The following TAS2R16 variants were observed in gnomAD, a reference collection of about 807,000 sequenced individuals.
The protein encoded by TAS2R16 is taste 2 receptor member 16.
A neutral mutation model predicts 5.0 loss-of-function variants in TAS2R16; 5 were observed. The ratio of observed to expected loss-of-function variants is 1.00; its 90% CI spans 0.52 to 2.11. TAS2R16 has a LOEUF of 2.11. Ranked by LOEUF, TAS2R16 falls within the 30% of genes most tolerant of loss-of-function variation. The pLI, the probability that TAS2R16 is intolerant of heterozygous loss-of-function variation, is 0.01. For synonymous variants in TAS2R16, 142 were observed against 123.3 expected (o/e 1.15, Z -1.00); for missense variants, 363 against 341.3 (o/e 1.06, Z -0.50).
rs923404410 is a variant in TAS2R16, at chr7:122,995,056, C to A, written c.579G>T (p.Leu193=). 6.2e-7 allele frequency: 1 copy of A among 1,613,784 alleles called. No individual in the cohort carries two copies. The highest frequency in any genetic ancestry group is 1.7e-5 in the Admixed American group (1 of 59,970). The part of the protein sequence containing the change: ...VALVIPFILF[L]ASTIFLMASL... ...ATGCCATGAGAAAGATGGTGGAGGC[C>A]AGGAACAGGATGAAAGGAATAACCA... is the stretch of plus-strand genomic sequence containing the variant. Residue 193 remains leucine, a synonymous_variant, in exon 1 of 1, where the codon CTG becomes CTT. Transcript: ENST00000249284.
rs778541886 is a variant in TAS2R16 at position 122,995,592 on chromosome 7, C to T, written c.43G>A (p.Val15Met). The change falls in exon 1 of 1, where the codon GTG becomes ATG. Residue 15 changes from valine to methionine, a missense_variant. Transcript: ENST00000249284. ...ACAATAATTGTCAAGGACTCAAGCA[C>T]ATAGATGATCATGAAGAAGACAGTG... ...QLTVFFMIIY[V>M]LESLTIIVQS... is the part of the protein sequence containing the mutation. 1 of 1,580,050 alleles carries T rather than the reference C, an allele frequency of 6.3e-7. No homozygotes were observed. Among genetic ancestry groups the T allele is most frequent in the Non-Finnish European group, 8.6e-7 (1 of 1,164,334 alleles).
rs879174727 is a variant in TAS2R16 at position 122,995,347 on chromosome 7, G to C, written c.288C>G (p.Asn96Lys). The change falls in exon 1 of 1, where the codon AAC becomes AAG. Residue 96 changes from asparagine to lysine, a missense_variant. Physicochemically the swap from Asn to Lys is moderately conservative, Grantham distance 94. Transcript: ENST00000249284. ...TGCAGTAGAACACGGTAAGCAAGCTGTTTAACCAGAATGTAAGGATATTAA... is the reference window on the plus strand; with the variant it reads ...TGCAGTAGAACACGGTAAGCAAGCTCTTTAACCAGAATGTAAGGATATTAA... ...EFFNILTFWL[N>K]SLLTVFYCIK... The C allele has an allele frequency of 6.2e-7, 1 of 1,613,700 alleles. No individual in the cohort carries two copies. The highest frequency in any genetic ancestry group is 1.1e-5 in the South Asian group (1 of 91,074).
chr7:122,995,591 A>G lies in TAS2R16; in HGVS notation c.44T>C (p.Val15Ala), dbSNP rs141452852. The change falls in exon 1 of 1, where the codon GTG becomes GCG. Residue 15 changes from valine (V) to alanine (A), a missense_variant. Transcript: ENST00000249284. ...QLTVFFMIIY[V>A]LESLTIIVQS... ...CACAATAATTGTCAAGGACTCAAGC[A>G]CATAGATGATCATGAAGAAGACAGT... 1,134 of 1,583,362 alleles carry G rather than the reference A, an allele frequency of 7.2e-4. No homozygotes were observed. Among genetic ancestry groups the G allele is most frequent in the Non-Finnish European group, 9.3e-4 (1,090 of 1,166,158 alleles).
In TAS2R16 at chr7:122,995,347, G is replaced by A. The variant is rs879174727; in HGVS notation, c.288C>T (p.Asn96=). ...EFFNILTFWL[N]SLLTVFYCIK... is the part of the protein sequence containing the mutation. The stretch of plus-strand genomic sequence containing the variant: ...TGCAGTAGAACACGGTAAGCAAGCT[G>A]TTTAACCAGAATGTAAGGATATTAA... The change falls in exon 1 of 1, where the codon AAC becomes AAT. Residue 96 remains asparagine (N), a synonymous_variant. Transcript: ENST00000249284. 6.2e-7 allele frequency: 1 copy of A among 1,613,700 alleles called. No homozygotes were observed. Among genetic ancestry groups the A allele is most frequent in the Non-Finnish European group, 8.5e-7 (1 of 1,179,868 alleles).
the TAS2R16 span, chr7:122,994,851 C>A: frequency 3.1e-6 from 5 of 1,613,392 alleles, no homozygotes; most frequent in Admixed American, 8.3e-5. Flanking sequence ...ACAAAAGCTT[C>A]CCAGACCCAT....
chr7:122,995,036 A>T lies in TAS2R16; in HGVS notation c.599T>A (p.Met200Lys). ...TTGTATCTGCTTGGTCAGTGATGCCATGAGAAAGATGGTGGAGGCCAGGAA... is the reference window on the plus strand; with the variant it reads ...TTGTATCTGCTTGGTCAGTGATGCCTTGAGAAAGATGGTGGAGGCCAGGAA... ...ILFLASTIFL[M>K]ASLTKQIQHH... The change falls in exon 1 of 1, where the codon ATG (methionine) becomes AAG (lysine). Residue 200 changes from methionine to lysine, a missense_variant. Transcript: ENST00000249284. The T allele has an allele frequency of 6.2e-7, 1 of 1,613,938 alleles. No homozygotes were observed. Among genetic ancestry groups the T allele is most frequent in the Non-Finnish European group, 8.5e-7 (1 of 1,179,906 alleles).
chr7:122,995,574 T>C lies in TAS2R16; in HGVS notation c.61A>G (p.Ile21Val). 1.2e-6 allele frequency: 2 copies of C among 1,602,474 alleles called. No homozygotes were observed. Among genetic ancestry groups the C allele is most frequent in the Admixed American group, 1.7e-5 (1 of 58,028 alleles). ...ACAATTAGGCTGCTCTGCACAATAA[T>C]TGTCAAGGACTCAAGCACATAGATG... Reference protein sequence around the residue: ...MIIYVLESLTIIVQSSLIVAV... With the variant: ...MIIYVLESLTVIVQSSLIVAV... The change falls in exon 1 of 1, where the codon ATT becomes GTT. Residue 21 changes from isoleucine to valine, a missense_variant. By Grantham distance (29) the Ile-to-Val change is conservative (BLOSUM62 3). Coordinates refer to ENST00000249284, the MANE Select transcript of TAS2R16 (RefSeq NM_016945.3).
rs1204816144 is a variant in TAS2R16 at position 122,995,142 on chromosome 7, T to G, written c.493A>C (p.Thr165Pro). ...AAATTTTCAAGTTTGTCAGTTACAG[T>G]GCTGTTTCTTGGTAGATGCTCCATG... ...LTMEHLPRNSTVTDKLENFHQ... is the reference protein window; with the variant it reads ...LTMEHLPRNSPVTDKLENFHQ... The change falls in exon 1 of 1, where the codon ACT becomes CCT. Residue 165 changes from threonine to proline, a missense_variant. Thr to Pro is a conservative substitution (Grantham distance 38, BLOSUM62 -1). Coordinates refer to ENST00000249284, the MANE Select transcript of TAS2R16 (RefSeq NM_016945.3). 2 of 1,613,766 alleles carry G rather than the reference T, an allele frequency of 1.2e-6. No homozygotes were observed. Among genetic ancestry groups the G allele is most frequent in the East Asian group, 2.2e-5 (1 of 44,852 alleles).
the TAS2R16 span, chr7:122,994,811 G>T: frequency 1.2e-6 from 2 of 1,608,222 alleles, no homozygotes; most frequent in Non-Finnish European, 1.7e-6. Context: ...CAGCATCAGT[G>T]AAGTGGAATG....
chr7:122,995,119 A>C lies in TAS2R16; in HGVS notation c.516T>G (p.Asn172Lys), dbSNP rs846664. 24,713 of 1,613,670 alleles carry C rather than the reference A, an allele frequency of 0.015. 3,224 individuals carry two copies. In the African/African-American group the frequency reaches 0.29, roughly 19 times the overall value. The change falls in exon 1 of 1, where the codon AAT (asparagine) becomes AAG (lysine). Residue 172 changes from asparagine (N) to lysine (K), a missense_variant. Transcript: ENST00000249284. ...RNSTVTDKLE[N>K]FHQYQFQAHT... ...GAGCCTGGAACTGATACTGATGAAA[A>C]TTTTCAAGTTTGTCAGTTACAGTGC...
chr7:122,995,367 T>C lies in TAS2R16; in HGVS notation c.268A>G (p.Ile90Val), dbSNP rs780131197. The change falls in exon 1 of 1, where the codon ATC (isoleucine) becomes GTC (valine). Residue 90 changes from isoleucine to valine, a missense_variant. Physicochemically the swap from Ile to Val is conservative, Grantham distance 29 (BLOSUM62 3). Transcript: ENST00000249284. ...NLTITWEFFN[I>V]LTFWLNSLLT... The stretch of plus-strand genomic sequence containing the variant: ...AAGCTGTTTAACCAGAATGTAAGGA[T>C]ATTAAAAAATTCCCAGGTGATTGTT... 1 of 1,613,602 alleles carries C rather than the reference T, an allele frequency of 6.2e-7. No individual in the cohort carries two copies. Among genetic ancestry groups the C allele is most frequent in the South Asian group, 1.1e-5 (1 of 91,074 alleles).
rs1297446908 is a variant in TAS2R16, at chr7:122,995,584, C to G, written c.51G>C (p.Glu17Asp). ...TVFFMIIYVL[E>D]SLTIIVQSSL... ...TGCTCTGCACAATAATTGTCAAGGA[C>G]TCAAGCACATAGATGATCATGAAGA... Residue 17 changes from glutamate to aspartate, a missense_variant, in exon 1 of 1, where the codon GAG becomes GAC. Glu to Asp is a conservative substitution (Grantham distance 45, BLOSUM62 2). Coordinates refer to ENST00000249284, the MANE Select transcript of TAS2R16 (RefSeq NM_016945.3). 1 of 1,594,706 alleles carries G rather than the reference C, an allele frequency of 6.3e-7. No homozygotes were observed. Among genetic ancestry groups the G allele is most frequent in the South Asian group, 1.1e-5 (1 of 87,518 alleles).
At position 122,995,187 on chromosome 7, in the gene TAS2R16, T is replaced by A; in HGVS notation, c.448A>T (p.Ile150Phe). 1 of 1,613,858 alleles carries A rather than the reference T, an allele frequency of 6.2e-7. No individual in the cohort carries two copies. The highest frequency in any genetic ancestry group is 8.5e-7 in the Non-Finnish European group (1 of 1,179,876). The change falls in exon 1 of 1, where the codon ATT (isoleucine) becomes TTT (phenylalanine). Residue 150 changes from isoleucine to phenylalanine, a missense_variant. Transcript: ENST00000249284. ...TCCATGGTGAGTAACTGAATTTGAA[T>A]GTAATTCCCAATAGCTGAAGGGATG... ...TIIPSAIGNY[I>F]QIQLLTMEHL...
At chr7:122,994,865 C>T in the TAS2R16 span, 5 of 1,613,622 alleles carry the variant, frequency 3.1e-6, no homozygotes, top group South Asian at 4.4e-5. Flanking sequence ...GACCCATAAC[C>T]AACATCTCTT....
Position 122,994,893 on chromosome 7 carries a change from T to C in TAS2R16, c.742A>G (p.Ile248Val), listed in dbSNP as rs766890167. Residue 248 changes from isoleucine to valine, a missense_variant, in exon 1 of 1, where the codon ATA (isoleucine) becomes GTA (valine). Transcript: ENST00000249284. The stretch of plus-strand genomic sequence containing the variant: ...CATCTCTTATCAAATAGAGTACCTA[T>C]AATGGTGATGAGTATGGTTAGAAAG... ...SYFLTILITI[I>V]GTLFDKRCWL... is the part of the protein sequence containing the mutation. 4 of 1,613,506 alleles carry C rather than the reference T, an allele frequency of 2.5e-6. No homozygotes were observed. In the Admixed American group the frequency reaches 6.7e-5, roughly 27 times the overall value.
Position 122,995,196 on chromosome 7 carries a change from C to T in TAS2R16, c.439G>A (p.Gly147Arg), listed in dbSNP as rs1364205747. 6.2e-7 allele frequency: 1 copy of T among 1,613,636 alleles called. No individual in the cohort carries two copies. The highest frequency in any genetic ancestry group is 1.3e-5 in the African/African-American group (1 of 74,946). ...TCVTIIPSAIGNYIQIQLLTM... is the reference protein window; with the variant it reads ...TCVTIIPSAIRNYIQIQLLTM... ...AGTAACTGAATTTGAATGTAATTCC[C>T]AATAGCTGAAGGGATGATTGTTACA... is the stretch of plus-strand genomic sequence containing the variant. Residue 147 changes from glycine to arginine, a missense_variant, in exon 1 of 1, where the codon GGG becomes AGG. Coordinates refer to ENST00000249284, the MANE Select transcript of TAS2R16 (RefSeq NM_016945.3).
chr7:122,995,641 A>G lies in TAS2R16; in HGVS notation c.-7T>C, dbSNP rs775547123. The G allele has an allele frequency of 1.3e-6, 2 of 1,527,738 alleles. No homozygotes were observed. The highest frequency in any genetic ancestry group is 2.8e-5 in the African/African-American group (2 of 71,766). The allele number at this position is 1,527,738 out of a possible 1,614,324, so 94.6% of individuals were successfully genotyped here. ...TGAGTTGGATGGGTATCATTCTTCT[A>G]CTCCAAAGTGTCTTCCTGGACAAAG... On this transcript the variant is annotated 5_prime_UTR_variant, in exon 1 of 1. Coordinates refer to ENST00000249284, the MANE Select transcript of TAS2R16 (RefSeq NM_016945.3).
chr7:122,995,578 C>A lies in TAS2R16; in HGVS notation c.57G>T (p.Leu19Phe), dbSNP rs757501074. ...FFMIIYVLES[L>F]TIIVQSSLIV... ...TTAGGCTGCTCTGCACAATAATTGT[C>A]AAGGACTCAAGCACATAGATGATCA... The change falls in exon 1 of 1, where the codon TTG becomes TTT. Residue 19 changes from leucine to phenylalanine, a missense_variant. Physicochemically the swap from Leu to Phe is conservative, Grantham distance 22 (BLOSUM62 0). Coordinates refer to ENST00000249284, the MANE Select transcript of TAS2R16 (RefSeq NM_016945.3). 6.3e-6 allele frequency: 10 copies of A among 1,599,008 alleles called. No homozygotes were observed. The highest frequency in any genetic ancestry group is 7.7e-6 in the Non-Finnish European group (9 of 1,173,564).
Position 122,994,928 on chromosome 7 carries a change from A to G in TAS2R16, c.707T>C (p.Phe236Ser), listed in dbSNP as rs1188562381. Reference sequence around the variant, plus strand: ...GAGTATGGTTAGAAAGTAAGAGGTAAACACAATAAATAAGACGGCAAGGGA... The same window carrying G: ...GAGTATGGTTAGAAAGTAAGAGGTAGACACAATAAATAAGACGGCAAGGGA... ...LRSLAVLFIVFTSYFLTILIT... is the reference protein window; with the variant it reads ...LRSLAVLFIVSTSYFLTILIT... Residue 236 changes from phenylalanine (F) to serine (S), a missense_variant, in exon 1 of 1, where the codon TTT becomes TCT. By Grantham distance (155) the Phe-to-Ser change is radical. Transcript: ENST00000249284. 6.2e-7 allele frequency: 1 copy of G among 1,613,554 alleles called. No homozygotes were observed. The highest frequency in any genetic ancestry group is 8.5e-7 in the Non-Finnish European group (1 of 1,179,788).
Sources: gnomAD v4.1 joint callset for allele counts on GRCh38, gnomAD v4.1.1 for gene constraint, MANE v1.5 for transcripts, NCBI Gene and HGNC (gene_info 2026-07-23, HGNC 2026-07-21) for gene names.